HSD17B4: variants seen among roughly 807,000 people sequenced by gnomAD.
The protein encoded by HSD17B4 is hydroxysteroid 17-beta dehydrogenase 4, also known as peroxisomal multifunctional enzyme type 2.
Under a neutral mutation model 101.0 loss-of-function variants are expected in HSD17B4, and 70 were observed. That is an observed-to-expected ratio of 0.69 (90% CI 0.57 to 0.85). HSD17B4 has a LOEUF of 0.85. HSD17B4 is among the 40% of genes least tolerant of loss of function. The pLI is 0.00. For synonymous variants in HSD17B4, 347 were observed against 297.1 expected (o/e 1.17, Z -1.73); for missense variants, 984 against 892.4 (o/e 1.10, Z -1.31).
intron 4 of HSD17B4, 91 bp downstream of exon 4, chr5:119,474,551 A>G (rs1748393716): frequency 3.7e-6 from 3 of 804,394 alleles, no homozygotes; most frequent in African/African-American, 1.7e-5. Flanking sequence ...CTAAACAGAT[A>G]CCTCTTTCCT....
Position 119,510,667 on chromosome 5 carries a change from C to G in HSD17B4, c.1437+1423C>G, listed in dbSNP as rs544150339. ...TAAGGGTATAGAGCAAATGAAGAAA[C>G]ATTTATTCAAGAAAATCTATTATAT... On this transcript the variant is annotated intron_variant, in intron 16 of 23. Coordinates refer to ENST00000510025, the MANE Select transcript of HSD17B4 (RefSeq NM_000414.4). 5.9e-5 allele frequency among the ~76,000 whole-genome samples: 9 copies of G among 152,244 alleles called. No homozygotes were observed. In the South Asian group the frequency reaches 1.7e-3, roughly 28 times the overall value.
chr5:119,517,200 C>A (rs1752697461), intron 17 of HSD17B4, among the ~76,000 whole-genome samples: 1 of 152,352 alleles, frequency 6.6e-6, no homozygotes, highest in Non-Finnish European at 1.5e-5. Flanking sequence ...GCACTCAGAG[C>A]AGCTGGCCGG....
intron 12 of HSD17B4, among the ~76,000 whole-genome samples, chr5:119,499,054 A>T (rs1390557448): frequency 6.6e-6 from 1 of 152,176 alleles, no homozygotes; most frequent in Non-Finnish European, 1.5e-5. Flanking sequence ...GCTGAATTAG[A>T]GACAGGAAAG....
intron 14 of HSD17B4, 104 bp from the exon 15 acceptor site, chr5:119,506,714 A>C (rs1478512765): frequency 3.1e-6 from 2 of 645,516 alleles, no homozygotes; most frequent in Admixed American, 2.5e-5. Context: ...ATAGTTTTTT[A>C]GTTTTGCTGA....
At chr5:119,471,741 TTATC>T (rs1756391644) in intron 2 of HSD17B4, 4 of 1,016,526 alleles carry the variant, frequency 3.9e-6, no homozygotes, top group Non-Finnish European at 5.7e-6. Context: ...TATTTGGCAT[TTATC>T]TATGTATCTT....
At chr5:119,455,558 C>G (rs1580491146) in intron 1 of HSD17B4, among the ~76,000 whole-genome samples, 1 of 131,394 alleles carries the variant, frequency 7.6e-6, no homozygotes, top group Middle Eastern at 3.7e-3. Context: ...CTCTCTCTCT[C>G]TCTCTCTCTC....
chr5:119,485,124 C>T (rs369780639), intron 8 of HSD17B4, among the ~76,000 whole-genome samples: 3 of 152,092 alleles, frequency 2.0e-5, no homozygotes, highest in Admixed American at 6.6e-5. Flanking sequence ...CTTTCTACCC[C>T]CCTGCTTCAT....
chr5:119,541,834 T>TAAA, intron 23 of HSD17B4, 71 bp from the exon 24 acceptor site: 9 of 793,122 alleles, frequency 1.1e-5, no homozygotes, highest in East Asian at 3.2e-5. Flanking sequence ...TGAATAATCT[T>TAAA]AAAAAAAAAA....
At chr5:119,512,440 A>G (rs1041357559) in intron 16 of HSD17B4, among the ~76,000 whole-genome samples, 2 of 152,170 alleles carry the variant, frequency 1.3e-5, no homozygotes, top group African/African-American at 4.8e-5. Context: ...GAAAATAATC[A>G]GAGAAAAAAT....
intron 1 of HSD17B4, 77 bp downstream of exon 1, chr5:119,452,710 G>A (rs1425700721): frequency 1.2e-6 from 2 of 1,606,860 alleles, no homozygotes; most frequent in Admixed American, 1.7e-5. Context: ...GCATACGCGC[G>A]CAGCCGCAGC....
intron 14 of HSD17B4, among the ~76,000 whole-genome samples, chr5:119,505,167 A>T (rs1751529158): frequency 6.9e-6 from 1 of 145,818 alleles, no homozygotes. Flanking sequence ...GTTTCAAGTC[A>T]GTTAATATGA....
At chr5:119,492,078 G>A in intron 9 of HSD17B4, 22 bp from the exon 10 acceptor site, 1 of 1,598,632 alleles carries the variant, frequency 6.3e-7, no homozygotes, top group Non-Finnish European at 8.6e-7. Flanking sequence ...ATGGTATAAT[G>A]TTTTCCCCCT....
intron 2 of HSD17B4, among the ~76,000 whole-genome samples, chr5:119,459,626 C>G (rs1470666739): frequency 1.3e-5 from 2 of 152,132 alleles, no homozygotes; most frequent in African/African-American, 4.8e-5. Context: ...GGGGCTACAT[C>G]TGGTGAGGAG....
chr5:119,494,334 TTTC>T (rs1318201169), intron 11 of HSD17B4, among the ~76,000 whole-genome samples: 7 of 118,546 alleles, frequency 5.9e-5, no homozygotes, highest in African/African-American at 2.4e-4. Context: ...CTTTTCTTTC[TTTC>T]TTTCTTTCTT....
chr5:119,484,555 ACTCT>A (rs1749442288), intron 8 of HSD17B4, among the ~76,000 whole-genome samples: 2 of 151,984 alleles, frequency 1.3e-5, no homozygotes, highest in African/African-American at 4.8e-5. Context: ...GGCTTTTGGT[ACTCT>A]TGGTTTTTAT....
intron 8 of HSD17B4, among the ~76,000 whole-genome samples, chr5:119,485,169 G>T (rs540020308): frequency 6.6e-6 from 1 of 152,084 alleles, no homozygotes; most frequent in South Asian, 2.1e-4. Context: ...AATTTGTGCT[G>T]ATCATCCCTT....
chr5:119,487,873 G>A (rs1294367625), intron 8 of HSD17B4, among the ~76,000 whole-genome samples: 1 of 152,092 alleles, frequency 6.6e-6, no homozygotes, highest in Non-Finnish European at 1.5e-5. Flanking sequence ...ATTTGAGATG[G>A]TTGGAGTCTT....
intron 2 of HSD17B4, among the ~76,000 whole-genome samples, chr5:119,472,129 C>T (rs1243809643): frequency 1.3e-5 from 2 of 152,110 alleles, no homozygotes; most frequent in Non-Finnish European, 2.9e-5. Flanking sequence ...TAATTTTTGA[C>T]CTCTTTTGAG....
intron 14 of HSD17B4, among the ~76,000 whole-genome samples, chr5:119,505,603 AC>A (rs1751572257): frequency 2.0e-5 from 3 of 152,126 alleles, no homozygotes; most frequent in African/African-American, 7.2e-5. Flanking sequence ...GTATCCTGAA[AC>A]TTTTACTTGA....
Sources: allele counts gnomAD v4.1 joint callset (sites outside exome capture counted in the v4.1 genomes callset), GRCh38; gene constraint gnomAD v4.1.1; transcripts MANE v1.5; gene names NCBI Gene and HGNC (gene_info 2026-07-23, HGNC 2026-07-21).